Variants in ALLC observed in about 807,000 individuals in gnomAD.
ALLC encodes the protein probable inactive allantoicase.
ALLC carries 40 observed loss-of-function variants against 45.0 expected under a neutral mutation model. The observed-to-expected ratio is 0.89, with a 90% CI of 0.69 to 1.16. ALLC has a LOEUF of 1.16. Ranked by LOEUF, ALLC falls within the 50% of genes most tolerant of loss-of-function variation. ALLC has a pLI of 0.00. For missense variants in ALLC, 488 were observed against 493.1 expected, an observed-to-expected ratio of 0.99 and a Z score of 0.10; for synonymous variants, 176 against 178.1, an observed-to-expected ratio of 0.99 and a Z score of 0.09.
chr2:3,690,265 TC>T (rs1667447819), intron 7 of ALLC, among the ~76,000 whole-genome samples: 3 of 1,770 alleles, frequency 1.7e-3, no homozygotes, highest in Non-Finnish European at 2.9e-3. Context: ...TTCCCTTCCC[TC>T]CCCCCTCCCC....
chr2:3,672,747 A>AGGAGGTCCTCTGGCTCTGGTTAGATC (rs1558537713), intron 2 of ALLC, among the ~76,000 whole-genome samples: 8 of 130,762 alleles, frequency 6.1e-5, no homozygotes, highest in African/African-American at 2.3e-4. Context: ...CTGGTTAGAT[A>AGGAGGTCCTCTGGCTCTGGTTAGATC]GGAGGTCCTC....
In ALLC at chr2:3,672,226, T is replaced by C. The variant is rs1343380419; in HGVS notation, c.33+1036T>C. Among the ~76,000 whole-genome samples the C allele has an allele frequency of 1.7e-5, 2 of 120,224 alleles. 1 individual carries two copies. Among genetic ancestry groups the C allele is most frequent in the African/African-American group, 6.7e-5 (2 of 29,672 alleles). The allele number at this position is 120,224 out of a possible 152,430, so 78.9% of individuals were successfully genotyped here. On this transcript the variant is annotated intron_variant, in intron 2 of 11. Coordinates refer to ENST00000252505, the MANE Select transcript of ALLC (RefSeq NM_018436.4). The stretch of plus-strand genomic sequence containing the variant: ...GGGAGGTCCTCTGGTTCTGGTTAGA[T>C]AGGAGGTCCTCTGGCTCTGGTTAGA...
chr2:3,651,442 T>TGTGTGTGAG, the ALLC span, among the ~76,000 whole-genome samples: 1 of 25,598 alleles, frequency 3.9e-5, no homozygotes, highest in African/African-American at 1.2e-4. Context: ...TGTGTGTGTG[T>TGTGTGTGAG]TAGGAAGGGA....
chr2:3,695,847 G>C lies in ALLC; in HGVS notation c.642G>C (p.Lys214Asn), dbSNP rs766021231. 72 of 1,611,580 alleles carry C rather than the reference G, an allele frequency of 4.5e-5. 1 individual carries two copies. The South Asian group carries it at 7.7e-4, about 17-fold the overall frequency. ...GGVCVGFSNA[K>N]FGHPNNIIGV... The stretch of plus-strand genomic sequence containing the variant: ...TCTGTGTAGGATTTAGTAATGCTAA[G>C]TTTGGGCACCCAAACAATATAATAG... Residue 214 changes from lysine (K) to asparagine (N), a missense_variant, in exon 8 of 12, where the codon AAG becomes AAC. Coordinates refer to ENST00000252505, the MANE Select transcript of ALLC (RefSeq NM_018436.4).
At chr2:3,693,826 A>T (rs758182026) in intron 7 of ALLC, among the ~76,000 whole-genome samples, 1 of 152,166 alleles carries the variant, frequency 6.6e-6, no homozygotes. Context: ...TGTCTCTACT[A>T]AAAATACAAA....
At chr2:3,683,548 A>G (rs758044550) in intron 7 of ALLC, among the ~76,000 whole-genome samples, 23 of 152,208 alleles carry the variant, frequency 1.5e-4, no homozygotes, top group Non-Finnish European at 2.6e-4. Context: ...TTTAGCTATC[A>G]TCCCTCATCT....
At chr2:3,651,831 C>G in the ALLC span, among the ~76,000 whole-genome samples, 1 of 152,096 alleles carries the variant, frequency 6.6e-6, no homozygotes, top group Non-Finnish European at 1.5e-5. Flanking sequence ...CATCCGGATG[C>G]TCCTCCCTTA....
At chr2:3,654,569 G>T (rs1203790780), upstream of ALLC, among the ~76,000 whole-genome samples, 1 of 152,184 alleles carries the variant, frequency 6.6e-6, no homozygotes, top group Non-Finnish European at 1.5e-5. Flanking sequence ...ACACATTCAG[G>T]TTATCATCTG....
At chr2:3,665,920 C>T in intron 1 of ALLC, among the ~76,000 whole-genome samples, 1 of 152,050 alleles carries the variant, frequency 6.6e-6, no homozygotes, top group East Asian at 1.9e-4. Context: ...AGTGTGGAGG[C>T]TGCTGGTACC....
At chr2:3,677,814 CAG>C (rs1381067917) in intron 3 of ALLC, among the ~76,000 whole-genome samples, 5 of 152,256 alleles carry the variant, frequency 3.3e-5, no homozygotes, top group African/African-American at 9.6e-5. Context: ...TTGATGGAAA[CAG>C]GGAAAGTATC....
intron 7 of ALLC, among the ~76,000 whole-genome samples, chr2:3,691,224 T>C (rs1295138453): frequency 7.2e-6 from 1 of 138,536 alleles, no homozygotes; most frequent in Non-Finnish European, 1.7e-5. Flanking sequence ...TTCTTTTCTC[T>C]TGCTGCTTTT....
intron 2 of ALLC, among the ~76,000 whole-genome samples, chr2:3,673,766 C>T (rs561977600): frequency 2.6e-5 from 4 of 152,136 alleles, no homozygotes; most frequent in Non-Finnish European, 4.4e-5. Flanking sequence ...AAAAGTAGCA[C>T]GAAACCTCTG....
upstream of ALLC, among the ~76,000 whole-genome samples, chr2:3,656,399 G>T (rs551083616): frequency 1.8e-4 from 28 of 152,334 alleles, 1 homozygote; most frequent in South Asian, 5.8e-3. Context: ...TCCACAGGAC[G>T]TCTGCTGTGC....
intron 6 of ALLC, 123 bp from the exon 7 acceptor site, chr2:3,682,819 C>G: frequency 9.5e-7 from 1 of 1,057,096 alleles, no homozygotes; most frequent in Non-Finnish European, 1.4e-6. Flanking sequence ...GCCACCGTGC[C>G]CGGCATCCAT....
At chr2:3,648,801 C>G in the ALLC span, among the ~76,000 whole-genome samples, 6 of 152,244 alleles carry the variant, frequency 3.9e-5, no homozygotes, top group African/African-American at 1.2e-4. Flanking sequence ...GTGTCCCAGG[C>G]TGGGACACGA....
chr2:3,682,592 C>T (rs542437399), intron 6 of ALLC, among the ~76,000 whole-genome samples: 27 of 152,286 alleles, frequency 1.8e-4, no homozygotes, highest in African/African-American at 6.5e-4. Context: ...GGGGCGCGAT[C>T]TCGGCTCACT....
chr2:3,662,928 C>T (rs1186790604), intron 1 of ALLC, among the ~76,000 whole-genome samples: 2 of 151,410 alleles, frequency 1.3e-5, no homozygotes, highest in Non-Finnish European at 2.9e-5. Flanking sequence ...AATGCTGCGA[C>T]CCCCAGTGTG....
chr2:3,672,448 GCTCT>G (rs1666907817), intron 2 of ALLC, among the ~76,000 whole-genome samples: 1 of 139,792 alleles, frequency 7.2e-6, no homozygotes, highest in South Asian at 2.3e-4. Flanking sequence ...AGGTCCTCTG[GCTCT>G]GGTTAGATCG....
the ALLC span, among the ~76,000 whole-genome samples, chr2:3,648,503 A>G: frequency 6.6e-6 from 1 of 152,064 alleles, no homozygotes; most frequent in Non-Finnish European, 1.5e-5. Context: ...CCCCAGGTCC[A>G]CCAGTCCTGG....
Sources: gnomAD v4.1 joint callset for allele counts (sites outside exome capture counted in the v4.1 genomes callset) on GRCh38, gnomAD v4.1.1 for gene constraint, MANE v1.5 for transcripts, NCBI Gene and HGNC (gene_info 2026-07-23, HGNC 2026-07-21) for gene names.